SEPTIN10: variants seen among roughly 807,000 people sequenced by gnomAD.
SEPTIN10 encodes the protein septin 10, also known as septin-10.
Under a neutral mutation model 54.8 loss-of-function variants are expected in SEPTIN10, and 66 were observed. The observed-to-expected ratio is 1.21, with a 90% CI of 0.99 to 1.48. The LOEUF (loss-of-function observed/expected upper bound fraction) is 1.48, where lower values mean the gene tolerates loss of function less well. Among genes scored for constraint, SEPTIN10 ranks in the 40% most tolerant of loss-of-function variants. The pLI, the probability that SEPTIN10 is intolerant of heterozygous loss-of-function variation, is 0.00. For missense variants in SEPTIN10, 620 were observed against 545.6 expected, an observed-to-expected ratio of 1.14 and a Z score of -1.36; for synonymous variants, 161 against 181.0, an observed-to-expected ratio of 0.89 and a Z score of 0.89.
intron 4 of SEPTIN10, among the ~76,000 whole-genome samples, chr2:109,579,369 G>A (rs896723006): frequency 1.3e-5 from 2 of 149,280 alleles, no homozygotes; most frequent in African/African-American, 4.9e-5. Flanking sequence ...CTCTGATCTT[G>A]TAACTCCAGG....
At chr2:109,567,357 TACTAA>T (rs1426081596) in intron 6 of SEPTIN10, among the ~76,000 whole-genome samples, 2 of 152,202 alleles carry the variant, frequency 1.3e-5, no homozygotes, top group Admixed American at 6.5e-5. Context: ...CCTTCCATTG[TACTAA>T]ACTAAAAGTT....
intron 9 of SEPTIN10, among the ~76,000 whole-genome samples, chr2:109,547,667 T>C (rs905078781): frequency 5.3e-5 from 8 of 152,170 alleles, no homozygotes; most frequent in African/African-American, 1.2e-4. Flanking sequence ...ATATGGATCA[T>C]AGAAGGCATA....
intron 8 of SEPTIN10, among the ~76,000 whole-genome samples, chr2:109,557,189 AATT>A (rs1684574679): frequency 6.6e-6 from 1 of 152,152 alleles, no homozygotes; most frequent in Non-Finnish European, 1.5e-5. Flanking sequence ...ATTTAAAAAA[AATT>A]ATAAAAAAAA....
intron 4 of SEPTIN10, among the ~76,000 whole-genome samples, chr2:109,577,565 C>G (rs573875436): frequency 2.3e-4 from 34 of 150,312 alleles, no homozygotes; most frequent in African/African-American, 8.1e-4. Flanking sequence ...GCATTCTAGC[C>G]TCAGTGACAG....
intron 1 of SEPTIN10, among the ~76,000 whole-genome samples, chr2:109,601,237 C>A (rs1349058782): frequency 6.6e-6 from 1 of 152,192 alleles, no homozygotes; most frequent in Non-Finnish European, 1.5e-5. Context: ...GGTGACCAGC[C>A]CCATCCTTAA....
chr2:109,580,587 T>C (rs1690877956), intron 4 of SEPTIN10, among the ~76,000 whole-genome samples: 1 of 152,082 alleles, frequency 6.6e-6, no homozygotes, highest in South Asian at 2.1e-4. Context: ...TCCTACAAAA[T>C]ACTGCAGGTC....
intron 1 of SEPTIN10, among the ~76,000 whole-genome samples, chr2:109,599,921 A>G (rs1696243182): frequency 6.6e-6 from 1 of 152,202 alleles, no homozygotes; most frequent in African/African-American, 2.4e-5. Context: ...CTATTTTACT[A>G]ACACTACAAC....
intron 4 of SEPTIN10, 58 bp from the exon 5 acceptor site, chr2:109,574,825 T>C (rs1005630355): frequency 1.6e-5 from 20 of 1,278,544 alleles, no homozygotes; most frequent in Middle Eastern, 2.1e-4. Context: ...AAGATATCTG[T>C]GCAACTCTTA....
At chr2:109,595,445 A>G (rs1258296441) in intron 1 of SEPTIN10, among the ~76,000 whole-genome samples, 2 of 152,194 alleles carry the variant, frequency 1.3e-5, no homozygotes, top group African/African-American at 4.8e-5. Flanking sequence ...AAGGCCCCCC[A>G]GTCCCAGTCA....
Position 109,564,540 on chromosome 2 carries a change from C to CAA in SEPTIN10, c.860-8_860-7dup, listed in dbSNP as rs201983944. ...ACAGTGGTTTTCATTTTCCACTAGCCAAAAAAAAATAAGAAAAGAACAACA... is the reference window on the plus strand; with the variant it reads ...ACAGTGGTTTTCATTTTCCACTAGCCAAAAAAAAAAATAAGAAAAGAACAACA... On this transcript the variant is annotated splice_region_variant and splice_polypyrimidine_tract_variant and intron_variant, in intron 7 of 10. Coordinates refer to ENST00000397712, the MANE Select transcript of SEPTIN10 (RefSeq NM_144710.5). 8.4e-6 allele frequency: 12 copies of CAA among 1,436,438 alleles called. No individual in the cohort carries two copies. The highest frequency in any genetic ancestry group is 7.8e-5 in the South Asian group (5 of 63,732). 89.0% of individuals were successfully genotyped at this position (1,436,438 alleles called of 1,614,324 possible).
intron 2 of SEPTIN10, 35 bp downstream of exon 2, chr2:109,593,016 G>A (rs780576578): frequency 3.6e-6 from 5 of 1,401,986 alleles, no homozygotes; most frequent in African/African-American, 2.9e-5. Flanking sequence ...AGCATTTAGA[G>A]TACAATATGG....
intron 8 of SEPTIN10, among the ~76,000 whole-genome samples, chr2:109,554,084 A>C (rs1209533490): frequency 6.6e-6 from 1 of 152,188 alleles, no homozygotes; most frequent in Admixed American, 6.5e-5. Flanking sequence ...AATATTAAAC[A>C]CTGAAATAAA....
In SEPTIN10 at chr2:109,613,872, C is replaced by T. The variant is rs1401224619; in HGVS notation, c.-45G>A. 3 of 1,230,918 alleles carry T rather than the reference C, an allele frequency of 2.4e-6. No homozygotes were observed. The highest frequency in any genetic ancestry group is 3.1e-4 in the Middle Eastern group (1 of 3,194). The allele number at this position is 1,230,918 out of a possible 1,614,324, so 76.2% of individuals were successfully genotyped here. A position where few individuals can be genotyped will look rare whatever the true frequency, so the allele number is the denominator to read the frequency against. On this transcript the variant is annotated 5_prime_UTR_variant, in exon 1 of 11. Transcript: ENST00000397712. The stretch of plus-strand genomic sequence containing the variant: ...GTGAAGCGGCTGTATCAGCCCGGCC[C>T]CGAGCGGCTGGTCCCGGCGACGGCG...
At position 109,553,088 on chromosome 2, in the gene SEPTIN10, T is replaced by C; in HGVS notation, c.1160A>G (p.Glu387Gly). 1 of 1,611,340 alleles carries C rather than the reference T, an allele frequency of 6.2e-7. No individual in the cohort carries two copies. Among genetic ancestry groups the C allele is most frequent in the Non-Finnish European group, 8.5e-7 (1 of 1,179,656 alleles). ...ATCACATCAAACCAGCATACTTGCCTCTCTCTCAGCTTCTTTCAATATGGC... is the reference window on the plus strand; with the variant it reads ...ATCACATCAAACCAGCATACTTGCCCCTCTCTCAGCTTCTTTCAATATGGC... The part of the protein sequence containing the change: ...KEAILKEAER[E>G]LQAKFEHLKR... Residue 387 changes from glutamate to glycine, a missense_variant and splice_region_variant, in exon 9 of 11, where the codon GAG (glutamate) becomes GGG (glycine). By Grantham distance (98) the Glu-to-Gly change is moderately conservative. Coordinates refer to ENST00000397712, the MANE Select transcript of SEPTIN10 (RefSeq NM_144710.5).
At chr2:109,579,456 T>A (rs1485785353) in intron 4 of SEPTIN10, among the ~76,000 whole-genome samples, 2 of 151,448 alleles carry the variant, frequency 1.3e-5, no homozygotes, top group Admixed American at 1.3e-4. Context: ...CAATCTTGGC[T>A]CACTGCAAAC....
chr2:109,602,327 A>G (rs1696769371), intron 1 of SEPTIN10, among the ~76,000 whole-genome samples: 2 of 152,186 alleles, frequency 1.3e-5, no homozygotes, highest in South Asian at 2.1e-4. Context: ...AGACAATAAA[A>G]TTGCATCTTA....
At chr2:109,602,081 T>C (rs1206905928) in intron 1 of SEPTIN10, among the ~76,000 whole-genome samples, 1 of 152,164 alleles carries the variant, frequency 6.6e-6, no homozygotes, top group Non-Finnish European at 1.5e-5. Context: ...AGCACTGAGC[T>C]CAGACCCTGG....
intron 5 of SEPTIN10, among the ~76,000 whole-genome samples, chr2:109,569,437 TAAAA>T (rs61064446): frequency 7.6e-6 from 1 of 131,218 alleles, no homozygotes; most frequent in African/African-American, 2.8e-5. Context: ...AAACTCTTGT[TAAAA>T]AAAAAAAAAA....
chr2:109,566,207 G>A (rs911624611), intron 6 of SEPTIN10, among the ~76,000 whole-genome samples: 3 of 151,910 alleles, frequency 2.0e-5, no homozygotes, highest in Non-Finnish European at 2.9e-5. Context: ...TGCAGCCTCC[G>A]CCTCCTGGGT....
Sources: gnomAD v4.1 joint callset for allele counts (sites outside exome capture counted in the v4.1 genomes callset) on GRCh38, gnomAD v4.1.1 for gene constraint, MANE v1.5 for transcripts, NCBI Gene and HGNC (gene_info 2026-07-23, HGNC 2026-07-21) for gene names.